MAD1L1: variants seen among roughly 807,000 people sequenced by gnomAD.
MAD1L1 encodes the protein mitotic arrest deficient 1 like 1, also known as mitotic spindle assembly checkpoint protein MAD1.
MAD1L1 carries 95 observed loss-of-function variants against 96.9 expected under a neutral mutation model. The observed-to-expected ratio is 0.98, with a 90% CI of 0.83 to 1.16. The LOEUF is 1.16. Among genes scored for constraint, MAD1L1 ranks in the 50% most tolerant of loss-of-function variants. MAD1L1 has a pLI of 0.00. For missense variants in MAD1L1, 1,007 were observed against 954.4 expected (o/e 1.06, Z -0.73); for synonymous variants, 473 against 396.6 (o/e 1.19, Z -2.29).
At chr7:2,095,604 G>A (rs928121351) in intron 11 of MAD1L1, among the ~76,000 whole-genome samples, 6 of 152,222 alleles carry the variant, frequency 3.9e-5, no homozygotes, top group African/African-American at 7.2e-5. Flanking sequence ...AACAGAAAAC[G>A]CAAGGAGGCG....
chr7:1,911,767 C>T (rs1380403687), intron 17 of MAD1L1, among the ~76,000 whole-genome samples: 1 of 152,046 alleles, frequency 6.6e-6, no homozygotes, highest in Non-Finnish European at 1.5e-5. Flanking sequence ...GGCATCCCAA[C>T]CCTCTCCAGT....
intron 14 of MAD1L1, among the ~76,000 whole-genome samples, chr7:1,992,215 C>T (rs1419731689): frequency 6.6e-6 from 1 of 152,142 alleles, no homozygotes; most frequent in East Asian, 1.9e-4. Context: ...CCCACCAGAG[C>T]GCCACTGCTC....
intron 11 of MAD1L1, chr7:2,109,741 G>A (rs943838235): frequency 6.6e-6 from 1 of 152,214 alleles, no homozygotes; most frequent in African/African-American, 2.4e-5. Flanking sequence ...GGCGAGTGTT[G>A]CAATAATATA....
At chr7:2,052,671 T>C (rs537663351) in intron 12 of MAD1L1, among the ~76,000 whole-genome samples, 2 of 152,326 alleles carry the variant, frequency 1.3e-5, no homozygotes, top group East Asian at 3.9e-4. Flanking sequence ...TAAACAAATA[T>C]GCACGTATCA....
chr7:1,936,203 G>A (rs1470394294), intron 17 of MAD1L1, among the ~76,000 whole-genome samples: 2 of 152,240 alleles, frequency 1.3e-5, no homozygotes, highest in South Asian at 2.1e-4. Flanking sequence ...TCCAAAGGCC[G>A]TGGGCCTCAT....
chr7:2,122,698 C>A (rs1017415215), intron 11 of MAD1L1, among the ~76,000 whole-genome samples: 5 of 152,220 alleles, frequency 3.3e-5, no homozygotes, highest in Non-Finnish European at 7.3e-5. Context: ...AGGAAGGATG[C>A]AGCCTTGGTC....
At chr7:2,197,092 C>G (rs1792029415) in intron 10 of MAD1L1, among the ~76,000 whole-genome samples, 1 of 152,248 alleles carries the variant, frequency 6.6e-6, no homozygotes, top group African/African-American at 2.4e-5. Context: ...AAACCACCCT[C>G]AGGACAGGAC....
chr7:2,017,670 G>A (rs983279417), intron 12 of MAD1L1, among the ~76,000 whole-genome samples: 1 of 152,216 alleles, frequency 6.6e-6, no homozygotes, highest in Non-Finnish European at 1.5e-5. Flanking sequence ...GGACCCTTGC[G>A]AAAGAGCAAG....
intron 17 of MAD1L1, among the ~76,000 whole-genome samples, chr7:1,913,357 C>T (rs1218124488): frequency 6.6e-6 from 1 of 152,066 alleles, no homozygotes; most frequent in Non-Finnish European, 1.5e-5. Context: ...GAGGAAGCGG[C>T]CTGGGGTGGC....
In MAD1L1 at chr7:1,823,526, C is replaced by G. The variant is rs191867617; in HGVS notation, c.1999-7298G>C. Among the ~76,000 whole-genome samples the G allele has an allele frequency of 3.5e-3, 538 of 152,260 alleles. 3 individuals carry two copies. Among genetic ancestry groups the G allele is most frequent in the African/African-American group, 0.012 (500 of 41,570 alleles). On this transcript the variant is annotated intron_variant, in intron 18 of 18. Transcript: ENST00000265854. Reference sequence around the variant, plus strand: ...CTAGAACGCCACGGCCACAGGGGACCCTGGCACCTGGAGGGGTGACTGCAG... The same window carrying G: ...CTAGAACGCCACGGCCACAGGGGACGCTGGCACCTGGAGGGGTGACTGCAG...
chr7:2,190,730 C>T (rs115846413), intron 10 of MAD1L1, among the ~76,000 whole-genome samples: 1 of 152,172 alleles, frequency 6.6e-6, no homozygotes, highest in African/African-American at 2.4e-5. Flanking sequence ...ACCAGGGCAA[C>T]AGGAATGAAG....
chr7:1,821,080 CA>C (rs35460625), intron 18 of MAD1L1, among the ~76,000 whole-genome samples: 2,161 of 30,220 alleles, frequency 0.072, 77 homozygotes, highest in African/African-American at 0.2. Context: ...GACTCCATCT[CA>C]AAAAAAAAAA....
At chr7:1,970,910 C>T (rs893374272) in intron 15 of MAD1L1, among the ~76,000 whole-genome samples, 8 of 152,190 alleles carry the variant, frequency 5.3e-5, no homozygotes, top group African/African-American at 1.7e-4. Context: ...TACCACCGCC[C>T]GCCCTTGGTA....
At position 2,104,858 on chromosome 7, in the gene MAD1L1, G is replaced by A. The variant is rs538042886; in HGVS notation, c.1074-35520C>T. Among the ~76,000 whole-genome samples the A allele has an allele frequency of 3.9e-5, 6 of 152,338 alleles. No individual in the cohort carries two copies. In the South Asian group the frequency reaches 1.2e-3, roughly 32 times the overall value. On this transcript the variant is annotated intron_variant, in intron 11 of 18. Coordinates refer to ENST00000265854, the MANE Select transcript of MAD1L1 (RefSeq NM_001013836.2). ...GTGCACAGCCATGTGGGCTCAGCCT[G>A]CAGCTGCCTCTCCTTCCAACGTGCA...
chr7:2,143,402 G>C (rs763308135), intron 11 of MAD1L1, among the ~76,000 whole-genome samples: 1 of 150,868 alleles, frequency 6.6e-6, no homozygotes, highest in East Asian at 1.9e-4. Flanking sequence ...GCCTTGTTAC[G>C]TCCTTGAGAG....
intron 18 of MAD1L1, among the ~76,000 whole-genome samples, chr7:1,841,092 G>A (rs1783230542): frequency 6.6e-6 from 1 of 152,192 alleles, no homozygotes; most frequent in Non-Finnish European, 1.5e-5. Context: ...CTCTGTGGGG[G>A]GCAGGTGCGG....
chr7:1,880,867 G>A (rs746155890), intron 18 of MAD1L1, among the ~76,000 whole-genome samples: 4 of 152,194 alleles, frequency 2.6e-5, no homozygotes, highest in South Asian at 2.1e-4. Flanking sequence ...CATCTTCCCC[G>A]CTGCTCCCTG....
At chr7:1,949,146 C>T (rs1483866290) in intron 16 of MAD1L1, among the ~76,000 whole-genome samples, 2 of 151,636 alleles carry the variant, frequency 1.3e-5, no homozygotes, top group African/African-American at 4.9e-5. Context: ...GCCCGGGGCA[C>T]GGCCCCTAGA....
intron 12 of MAD1L1, among the ~76,000 whole-genome samples, chr7:2,062,308 C>T (rs924516267): frequency 1.3e-5 from 2 of 149,514 alleles, no homozygotes; most frequent in East Asian, 2.0e-4. Context: ...CAGTGGCTCA[C>T]GCCTGTAATC....
Sources: gnomAD v4.1 joint callset for allele counts (sites outside exome capture counted in the v4.1 genomes callset) on GRCh38, gnomAD v4.1.1 for gene constraint, MANE v1.5 for transcripts, NCBI Gene and HGNC (gene_info 2026-07-23, HGNC 2026-07-21) for gene names.